ATE1: variants seen among roughly 807,000 people sequenced by gnomAD.
ATE1 encodes the protein arginyl-tRNA--protein transferase 1.
A neutral mutation model predicts 70.5 loss-of-function variants in ATE1; 36 were observed. The observed-to-expected ratio is 0.51, with a 90% CI of 0.39 to 0.67. ATE1 has a LOEUF of 0.67. Ranked by LOEUF, ATE1 falls within the 30% of genes least tolerant of loss-of-function variation. The probability of loss-of-function intolerance (pLI) is 0.00; values close to 1 mark genes in which losing one functional copy is unlikely to be tolerated. For missense variants in ATE1, 593 were observed against 629.5 expected (o/e 0.94, Z 0.62); for synonymous variants, 232 against 219.3 (o/e 1.06, Z -0.51).
chr10:121,787,607 T>A (rs79578323), intron 11 of ATE1, among the ~76,000 whole-genome samples: 6,362 of 152,298 alleles, frequency 0.042, 195 homozygotes, highest in Non-Finnish European at 0.065. Context: ...AATTTACTTC[T>A]TTCTAAATGA....
chr10:121,907,301 CTAAAAGTACA>C (rs1324297227), intron 5 of ATE1, among the ~76,000 whole-genome samples: 1 of 151,230 alleles, frequency 6.6e-6, no homozygotes, highest in African/African-American at 2.4e-5. Flanking sequence ...CTAAAAGTAC[CTAAAAGTACA>C]AAAATTAGCC....
intron 11 of ATE1, among the ~76,000 whole-genome samples, chr10:121,762,986 T>C (rs1482887706): frequency 6.6e-6 from 1 of 152,192 alleles, no homozygotes. Context: ...CTATTGATGA[T>C]GTTAACTGAA....
At chr10:121,913,036 C>T (rs1264513875) in intron 4 of ATE1, among the ~76,000 whole-genome samples, 1 of 152,106 alleles carries the variant, frequency 6.6e-6, no homozygotes. Context: ...CCTGCCACCA[C>T]GCCAGGCTAA....
chr10:121,790,424 A>T, intron 10 of ATE1, 135 bp from the exon 11 acceptor site: 1 of 1,139,970 alleles, frequency 8.8e-7, no homozygotes, highest in Non-Finnish European at 1.2e-6. Context: ...GTAAATACTA[A>T]GCAACCCTGT....
intron 11 of ATE1, among the ~76,000 whole-genome samples, chr10:121,773,576 AGC>A (rs1945609276): frequency 6.6e-6 from 1 of 152,212 alleles, no homozygotes; most frequent in African/African-American, 2.4e-5. Flanking sequence ...AGTAAATTCC[AGC>A]TTTTGGGCAT....
At chr10:121,900,894 G>A (rs1950955610) in intron 6 of ATE1, among the ~76,000 whole-genome samples, 1 of 152,154 alleles carries the variant, frequency 6.6e-6, no homozygotes, top group South Asian at 2.1e-4. Context: ...AATATTTTAA[G>A]TAGTGTATTC....
intron 11 of ATE1, among the ~76,000 whole-genome samples, chr10:121,768,405 C>G (rs891453958): frequency 3.3e-5 from 5 of 151,954 alleles, no homozygotes; most frequent in Admixed American, 3.3e-4. Context: ...GTATAGGACT[C>G]TGAAAGTTGA....
chr10:121,800,579 G>A (rs1564848473), intron 10 of ATE1, among the ~76,000 whole-genome samples: 1 of 152,120 alleles, frequency 6.6e-6, no homozygotes, highest in African/African-American at 2.4e-5. Flanking sequence ...GAAAGTTCAA[G>A]TTAAATTAAA....
rs1951030739 is a variant in ATE1, at chr10:121,902,720, A to G, written c.584-100T>C. On this transcript the variant is annotated intron_variant, in intron 5 of 11. Transcript: ENST00000224652. ...TACAGTGTAAGTCCAAAGAGTTTCA[A>G]TGGTTAGGCTAGCTTTGGGGTAGAT... 21 of 1,187,194 alleles carry G rather than the reference A, an allele frequency of 1.8e-5. No individual in the cohort carries two copies. The South Asian group carries it at 3.0e-4, about 17-fold the overall frequency. The allele number at this position is 1,187,194 out of a possible 1,614,324, so 73.5% of individuals were successfully genotyped here. A position where few individuals can be genotyped will look rare whatever the true frequency, so the allele number is the denominator to read the frequency against.
intron 11 of ATE1, among the ~76,000 whole-genome samples, chr10:121,759,355 T>C (rs1301870746): frequency 6.6e-6 from 1 of 152,186 alleles, no homozygotes; most frequent in Non-Finnish European, 1.5e-5. Context: ...GGTAAGGACA[T>C]TGCAGAAGAA....
At chr10:121,826,865 G>A (rs1948040615) in intron 10 of ATE1, among the ~76,000 whole-genome samples, 1 of 152,192 alleles carries the variant, frequency 6.6e-6, no homozygotes, top group South Asian at 2.1e-4. Context: ...GTGAGAACAT[G>A]TGGTATCTGG....
In ATE1 at chr10:121,885,567, C is replaced by CAAAA. The variant is rs397826119; in HGVS notation, c.942+14295_942+14298dup. On this transcript the variant is annotated intron_variant, in intron 7 of 11. Coordinates refer to ENST00000224652, the MANE Select transcript of ATE1 (RefSeq NM_001001976.3). Reference sequence around the variant, plus strand: ...CCTGGGTGACAGCAAGACTCCGTCTCAAAAAAAAAAAAAAAAAAACATGCC... The same window carrying CAAAA: ...CCTGGGTGACAGCAAGACTCCGTCTCAAAAAAAAAAAAAAAAAAAAAAACATGCC... 4.4e-3 allele frequency among the ~76,000 whole-genome samples: 419 copies of CAAAA among 95,822 alleles called. 13 individuals are homozygous for CAAAA. Among genetic ancestry groups the CAAAA allele is most frequent in the African/African-American group, 9.6e-3 (228 of 23,792 alleles). The allele number at this position is 95,822 out of a possible 152,430, so 62.9% of individuals were successfully genotyped here.
At chr10:121,837,704 G>GTCCC (rs1361371245) in intron 9 of ATE1, among the ~76,000 whole-genome samples, 1 of 152,038 alleles carries the variant, frequency 6.6e-6, no homozygotes, top group African/African-American at 2.4e-5. Context: ...AATTATTACC[G>GTCCC]TAAGAATTCA....
chr10:121,916,135 G>A (rs1379855578), intron 3 of ATE1, among the ~76,000 whole-genome samples: 2 of 151,342 alleles, frequency 1.3e-5, no homozygotes. Flanking sequence ...GCTGAGGCAG[G>A]AGAATGGCAT....
chr10:121,851,360 C>T (rs963840592), intron 8 of ATE1, among the ~76,000 whole-genome samples: 3 of 152,070 alleles, frequency 2.0e-5, no homozygotes, highest in African/African-American at 7.2e-5. Flanking sequence ...GCAGAGGTTG[C>T]GGTGAAGCGA....
intron 7 of ATE1, among the ~76,000 whole-genome samples, chr10:121,894,984 C>T (rs541909133): frequency 6.6e-5 from 10 of 152,194 alleles, no homozygotes; most frequent in African/African-American, 2.4e-4. Flanking sequence ...GGCCAAAAAG[C>T]ACAGGAAGGG....
intron 11 of ATE1, among the ~76,000 whole-genome samples, chr10:121,774,460 A>G (rs1382820324): frequency 6.6e-6 from 1 of 152,196 alleles, no homozygotes; most frequent in Non-Finnish European, 1.5e-5. Context: ...TTGAGAAATT[A>G]TATGTCATTA....
chr10:121,894,218 C>T (rs1950689268), intron 7 of ATE1, among the ~76,000 whole-genome samples: 2 of 149,082 alleles, frequency 1.3e-5, no homozygotes, highest in East Asian at 3.9e-4. Context: ...AAATGGAAGG[C>T]ATAAATTCAA....
At chr10:121,751,292 C>T (rs992214738) in intron 11 of ATE1, among the ~76,000 whole-genome samples, 7 of 152,278 alleles carry the variant, frequency 4.6e-5, no homozygotes, top group Admixed American at 1.3e-4. Context: ...CCATGTAATT[C>T]ACCCATTTAA....
Sources: allele counts gnomAD v4.1 joint callset (sites outside exome capture counted in the v4.1 genomes callset), GRCh38; gene constraint gnomAD v4.1.1; transcripts MANE v1.5; gene names NCBI Gene and HGNC (gene_info 2026-07-23, HGNC 2026-07-21).